Variants in IFT88 observed in about 807,000 individuals in gnomAD.
IFT88 encodes the protein intraflagellar transport protein 88 homolog.
A neutral mutation model predicts 119.5 loss-of-function variants in IFT88; 74 were observed. That is an observed-to-expected ratio of 0.62 (90% CI 0.51 to 0.75). The LOEUF (loss-of-function observed/expected upper bound fraction) is 0.75, where lower values mean the gene tolerates loss of function less well. Among genes scored for constraint, IFT88 ranks in the 30% least tolerant of loss-of-function variants. The pLI is 0.00. For synonymous variants in IFT88, 279 were observed against 316.7 expected (o/e 0.88, Z 1.26); for missense variants, 961 against 977.7 (o/e 0.98, Z 0.23).
At chr13:20,686,149 T>C (rs1399125893) in intron 24 of IFT88, among the ~76,000 whole-genome samples, 2 of 152,322 alleles carry the variant, frequency 1.3e-5, no homozygotes, top group East Asian at 3.9e-4. Flanking sequence ...GCTGTTGCCA[T>C]TGGGAGCTCC....
chr13:20,578,191 C>A (rs2037823309), intron 2 of IFT88, among the ~76,000 whole-genome samples: 2 of 150,262 alleles, frequency 1.3e-5, no homozygotes, highest in African/African-American at 4.9e-5. Context: ...ACCACAGGTG[C>A]CTGCCACCAC....
At chr13:20,648,566 A>T (rs2051098356) in intron 20 of IFT88, among the ~76,000 whole-genome samples, 1 of 151,734 alleles carries the variant, frequency 6.6e-6, no homozygotes, top group Non-Finnish European at 1.5e-5. Flanking sequence ...ATAGTACACT[A>T]AAAAAAATCA....
In IFT88 at chr13:20,678,585, C is replaced by T. The variant is rs563887765; in HGVS notation, c.2242+7546C>T. On this transcript the variant is annotated intron_variant, in intron 24 of 25. Transcript: ENST00000351808. ...TTGTGGCTTGAGCAGTTTTCCGCTC[C>T]GGAGGGGCCAGGTTTTCCTTGCCCT... 5.3e-5 allele frequency among the ~76,000 whole-genome samples: 8 copies of T among 152,314 alleles called. No individual in the cohort carries two copies. The South Asian group carries it at 6.2e-4, about 12-fold the overall frequency.
chr13:20,597,624 G>A (rs567435502), intron 9 of IFT88, among the ~76,000 whole-genome samples: 20 of 151,688 alleles, frequency 1.3e-4, no homozygotes, highest in Admixed American at 2.6e-4. Context: ...GGCGCCTGTA[G>A]TCCCAGCTAC....
intron 16 of IFT88, chr13:20,631,353 A>G (rs1440285203): frequency 6.8e-5 from 27 of 398,186 alleles, no homozygotes; most frequent in Non-Finnish European, 1.0e-4. Flanking sequence ...ATCATAGATT[A>G]TGCAACATAC....
intron 20 of IFT88, among the ~76,000 whole-genome samples, chr13:20,649,775 G>A (rs1594629579): frequency 6.6e-6 from 1 of 152,008 alleles, no homozygotes; most frequent in East Asian, 1.9e-4. Context: ...AAAAAAAGAG[G>A]ACTTAATTAC....
At chr13:20,683,960 T>A (rs183667544) in intron 24 of IFT88, among the ~76,000 whole-genome samples, 8 of 152,380 alleles carry the variant, frequency 5.3e-5, no homozygotes, top group African/African-American at 1.9e-4. Flanking sequence ...AAATTTAAAC[T>A]AGACCTACCT....
At chr13:20,582,919 A>C in intron 2 of IFT88, 38 bp from the exon 3 acceptor site, 1 of 1,518,242 alleles carries the variant, frequency 6.6e-7, no homozygotes. Context: ...CCCAATTCTT[A>C]CTCTGTGTTG....
chr13:20,568,019 A>G, intron 1 of IFT88: 1 of 713,940 alleles, frequency 1.4e-6, no homozygotes, highest in Non-Finnish European at 2.6e-6. Context: ...GCTTTAAAAA[A>G]AATCGCAAAA....
At chr13:20,654,839 A>G (rs2052463368) in intron 21 of IFT88, among the ~76,000 whole-genome samples, 1 of 152,356 alleles carries the variant, frequency 6.6e-6, no homozygotes, top group South Asian at 2.1e-4. Flanking sequence ...AACGTCAGTC[A>G]TATAGAAAGT....
intron 23 of IFT88, among the ~76,000 whole-genome samples, chr13:20,667,357 T>C (rs943336565): frequency 6.6e-6 from 1 of 152,160 alleles, no homozygotes; most frequent in African/African-American, 2.4e-5. Flanking sequence ...AATGTACCCA[T>C]GCCTGTGCTA....
At chr13:20,591,348 A>T (rs942525992) in intron 5 of IFT88, among the ~76,000 whole-genome samples, 1 of 152,196 alleles carries the variant, frequency 6.6e-6, no homozygotes, top group Admixed American at 6.5e-5. Flanking sequence ...ATAGGCATGT[A>T]AGAGACCAAC....
chr13:20,690,834 G>A lies in IFT88; in HGVS notation c.2353+19G>A. ...GAAATAGGCAAGTACTCTCCACCCAGTTCCTCCAGGCATAGCAGGTCTGAA... is the reference window on the plus strand; with the variant it reads ...GAAATAGGCAAGTACTCTCCACCCAATTCCTCCAGGCATAGCAGGTCTGAA... On this transcript the variant is annotated intron_variant, in intron 25 of 25. Transcript: ENST00000351808. 3.2e-6 allele frequency: 5 copies of A among 1,547,902 alleles called. No individual in the cohort carries two copies. Among genetic ancestry groups the A allele is most frequent in the Non-Finnish European group, 4.5e-6 (5 of 1,119,760 alleles).
chr13:20,608,828 T>C (rs890094824), intron 13 of IFT88, among the ~76,000 whole-genome samples: 4 of 152,224 alleles, frequency 2.6e-5, no homozygotes, highest in Non-Finnish European at 4.4e-5. Context: ...AGCCTGGTGC[T>C]CTGCCCTGCA....
chr13:20,592,342 A>C lies in IFT88; in HGVS notation c.336A>C (p.Ala112=). 1 of 1,610,104 alleles carries C rather than the reference A, an allele frequency of 6.2e-7. No individual in the cohort carries two copies. The highest frequency in any genetic ancestry group is 8.5e-7 in the Non-Finnish European group (1 of 1,178,652). The change falls in exon 7 of 26, where the codon GCA becomes GCC. Residue 112 remains alanine, a synonymous_variant. Transcript: ENST00000351808. ...TCTTGAATTGTGTCTCAGGCTCTGC[A>C]TTTGACCCCCTTAGTCAGTCAAGGG... is the stretch of plus-strand genomic sequence containing the variant. ...GFTKAALRGS[A]FDPLSQSRGP... is the part of the protein sequence containing the mutation.
At position 20,589,850 on chromosome 13, in the gene IFT88, A is replaced by T. The variant is rs757504073; in HGVS notation, c.193A>T (p.Ile65Leu). 3 of 1,597,412 alleles carry T rather than the reference A, an allele frequency of 1.9e-6. No individual in the cohort carries two copies. The South Asian group carries it at 3.4e-5, about 18-fold the overall frequency. ...ATCAAGCACGGCAGTTACTAGACCT[A>T]TAGCTACTGGATATGGGGTAGGTTT... ...KISSTAVTRP[I>L]ATGYGSKTSL... The change falls in exon 4 of 26, where the codon ATA becomes TTA. Residue 65 changes from isoleucine to leucine, a missense_variant. Coordinates refer to ENST00000351808, the MANE Select transcript of IFT88 (RefSeq NM_006531.5).
intron 7 of IFT88, among the ~76,000 whole-genome samples, chr13:20,594,832 A>G (rs760195835): frequency 6.6e-6 from 1 of 152,232 alleles, no homozygotes; most frequent in Non-Finnish European, 1.5e-5. Flanking sequence ...CTCAAAGAAT[A>G]TAATTTTATA....
At chr13:20,609,040 A>G (rs928840758) in intron 13 of IFT88, among the ~76,000 whole-genome samples, 4 of 151,928 alleles carry the variant, frequency 2.6e-5, no homozygotes, top group African/African-American at 9.7e-5. Context: ...TGGTAGGGAG[A>G]TCTTGATTTT....
chr13:20,569,169 A>G (rs889403146), intron 1 of IFT88, among the ~76,000 whole-genome samples: 4 of 152,212 alleles, frequency 2.6e-5, no homozygotes, highest in African/African-American at 7.2e-5. Flanking sequence ...AAACTGTTAG[A>G]AAAAAAGCAT....
Sources: gnomAD v4.1 joint callset for allele counts (sites outside exome capture counted in the v4.1 genomes callset) on GRCh38, gnomAD v4.1.1 for gene constraint, MANE v1.5 for transcripts, NCBI Gene and HGNC (gene_info 2026-07-23, HGNC 2026-07-21) for gene names.